CCND2: variants seen among roughly 807,000 people sequenced by gnomAD.
CCND2 encodes the protein G1/S-specific cyclin-D2.
CCND2 carries 6 observed loss-of-function variants against 30.2 expected under a neutral mutation model. The ratio of observed to expected loss-of-function variants is 0.20; its 90% CI spans 0.11 to 0.39. The LOEUF (loss-of-function observed/expected upper bound fraction) is 0.39. Among genes scored for constraint, CCND2 ranks in the 10% least tolerant of loss-of-function variants. The probability of loss-of-function intolerance (pLI) is 1.00; values close to 1 mark genes in which losing one functional copy is unlikely to be tolerated. For synonymous variants in CCND2, 150 were observed against 153.1 expected (o/e 0.98, Z 0.15); for missense variants, 235 against 373.4 (o/e 0.63, Z 3.06).
At chr12:4,288,777 G>T in intron 3 of CCND2, 65 bp from the exon 4 acceptor site, 1 of 1,522,708 alleles carries the variant, frequency 6.6e-7, no homozygotes, top group Non-Finnish European at 8.9e-7. Context: ...AGTCTCTGCA[G>T]TCTCGGGAGC....
At chr12:4,289,160 G>A in intron 4 of CCND2, 170 bp downstream of exon 4, 3 of 225,382 alleles carry the variant, frequency 1.3e-5, no homozygotes, top group South Asian at 5.7e-5. Context: ...TTAAGGTTCT[G>A]AAAAGCTGTG....
intron 4 of CCND2, chr12:4,297,890 C>T (rs1003703175): frequency 4.5e-6 from 2 of 444,460 alleles, no homozygotes; most frequent in South Asian, 1.6e-5. Context: ...CACGGAGACT[C>T]CTGCTGCTGC....
At chr12:4,291,670 G>A (rs965163260) in intron 4 of CCND2, among the ~76,000 whole-genome samples, 3 of 152,306 alleles carry the variant, frequency 2.0e-5, no homozygotes, top group Non-Finnish European at 4.4e-5. Flanking sequence ...CAGGCCTAAC[G>A]TAGAATGCCG....
At chr12:4,289,547 A>G (rs1864069411) in intron 4 of CCND2, among the ~76,000 whole-genome samples, 1 of 152,190 alleles carries the variant, frequency 6.6e-6, no homozygotes, top group South Asian at 2.1e-4. Context: ...TCAAAAGACA[A>G]AGTGCCATAC....
In CCND2 at chr12:4,288,278, A is replaced by C. The variant is rs560935706; in HGVS notation, c.572-564A>C. On this transcript the variant is annotated intron_variant, in intron 3 of 4. Transcript: ENST00000261254. ...TGGGTGGGGGTCATATTAATCCTCA[A>C]TGCCTGTCCAGAGACTATAACAAGA... 2.7e-5 allele frequency among the ~76,000 whole-genome samples: 4 copies of C among 149,216 alleles called. No individual in the cohort carries two copies. The South Asian group carries it at 8.5e-4, about 32-fold the overall frequency.
Position 4,287,879 on chromosome 12 carries a change from G to A in CCND2, c.572-963G>A, listed in dbSNP as rs1488271167. 6.6e-6 allele frequency among the ~76,000 whole-genome samples: 1 copy of A among 152,202 alleles called. No homozygotes were observed. Among genetic ancestry groups the A allele is most frequent in the African/African-American group, 2.4e-5 (1 of 41,438 alleles). On this transcript the variant is annotated intron_variant, in intron 3 of 4. Coordinates refer to ENST00000261254, the MANE Select transcript of CCND2 (RefSeq NM_001759.4). The surrounding 1 kb of genome is among the most constrained non-coding windows in gnomAD (Gnocchi z 4.0). ...GAAGGAGTGCTCGGAGGAACACAAGGGGGCTGGTCTTCCAAGAGGAGCCCT... is the reference window on the plus strand; with the variant it reads ...GAAGGAGTGCTCGGAGGAACACAAGAGGGCTGGTCTTCCAAGAGGAGCCCT...
rs780910327 is a variant in CCND2, at chr12:4,301,106, T to A, written c.*1097T>A. 4 of 233,588 alleles carry A rather than the reference T, an allele frequency of 1.7e-5. No homozygotes were observed. Among genetic ancestry groups the A allele is most frequent in the Non-Finnish European group, 2.5e-5 (3 of 118,066 alleles). 14.5% of individuals were successfully genotyped at this position (233,588 alleles called of 1,614,324 possible). ...TCTGGGTTACTCTTCGCTTCTGGTATCTGGCGTTCTTTGGTACACAGTTCT... is the reference window on the plus strand; with the variant it reads ...TCTGGGTTACTCTTCGCTTCTGGTAACTGGCGTTCTTTGGTACACAGTTCT... On this transcript the variant is annotated 3_prime_UTR_variant, in exon 5 of 5. Coordinates refer to ENST00000261254, the MANE Select transcript of CCND2 (RefSeq NM_001759.4).
Position 4,303,586 on chromosome 12 carries a change from CTT to C in CCND2, c.*3580_*3581del, listed in dbSNP as rs945966521. ...CCTGCCAAATTTTGATCCTTCCCCT[CTT>C]TTGGCCAAATCCTAGGGGGAAGAAA... On this transcript the variant is annotated 3_prime_UTR_variant, in exon 5 of 5. Transcript: ENST00000261254. This position sits in a 1 kb window ranked among gnomAD's most constrained non-coding sequence, Gnocchi z 4.6. 4.3e-6 allele frequency: 1 copy of C among 233,570 alleles called. No homozygotes were observed. The highest frequency in any genetic ancestry group is 8.5e-6 in the Non-Finnish European group (1 of 118,078). The allele number at this position is 233,570 out of a possible 1,614,324, so 14.5% of individuals were successfully genotyped here.
At chr12:4,288,802 T>C (rs754588406) in intron 3 of CCND2, 40 bp from the exon 4 acceptor site, 1 of 1,575,668 alleles carries the variant, frequency 6.3e-7, no homozygotes, top group Admixed American at 1.8e-5. Flanking sequence ...GGATCCAAAT[T>C]CGTTCTGTGC....
rs1864246952 is a variant in CCND2 at position 4,301,381 on chromosome 12, T to G, written c.*1372T>G. ...TTTTTTTTTTTATTGTTGTTGTTAA[T>G]TTTATTGCAAAGTTGTATTCAGCGT... On this transcript the variant is annotated 3_prime_UTR_variant, in exon 5 of 5. Coordinates refer to ENST00000261254, the MANE Select transcript of CCND2 (RefSeq NM_001759.4). The G allele has an allele frequency of 1.7e-5, 4 of 233,206 alleles. No individual in the cohort carries two copies. Among genetic ancestry groups the G allele is most frequent in the Non-Finnish European group, 3.4e-5 (4 of 117,962 alleles). 14.4% of individuals were successfully genotyped at this position (233,206 alleles called of 1,614,324 possible).
Position 4,293,753 on chromosome 12 carries a change from C to T in CCND2, c.720+4763C>T, listed in dbSNP as rs1018807102. On this transcript the variant is annotated intron_variant, in intron 4 of 4. Coordinates refer to ENST00000261254, the MANE Select transcript of CCND2 (RefSeq NM_001759.4). This position sits in a 1 kb window ranked among gnomAD's most constrained non-coding sequence, Gnocchi z 4.9. ...GGTTTAGCATTGTGTGTTTCTGCTC[C>T]GTAGCTGGAAGTGCCGCCACCCTCG... Among the ~76,000 whole-genome samples, 5 of 152,156 alleles carry T rather than the reference C, an allele frequency of 3.3e-5. No homozygotes were observed. Among genetic ancestry groups the T allele is most frequent in the Non-Finnish European group, 5.9e-5 (4 of 68,024 alleles).
intron 3 of CCND2, among the ~76,000 whole-genome samples, chr12:4,283,921 G>T (rs1863987031): frequency 6.6e-6 from 1 of 152,232 alleles, no homozygotes; most frequent in South Asian, 2.1e-4. Context: ...AGCAGCAGGA[G>T]GCTTTGGGGA....
intron 3 of CCND2, among the ~76,000 whole-genome samples, chr12:4,288,283 T>C (rs1864050734): frequency 6.6e-6 from 1 of 151,438 alleles, no homozygotes; most frequent in Admixed American, 6.6e-5. Context: ...CCTCAATGCC[T>C]GTCCAGAGAC....
In CCND2 at chr12:4,274,032, G is replaced by A. The variant is rs1049728713; in HGVS notation, c.-9G>A. On this transcript the variant is annotated 5_prime_UTR_variant, in exon 1 of 5. Coordinates refer to ENST00000261254, the MANE Select transcript of CCND2 (RefSeq NM_001759.4). The surrounding 1 kb of genome is among the most constrained non-coding windows in gnomAD (Gnocchi z 7.7). Reference sequence around the variant, plus strand: ...GAAAGCAGGAGGGAGAGGGGCCGCCGGGCTGGCCATGGAGCTGCTGTGCCA... The same window carrying A: ...GAAAGCAGGAGGGAGAGGGGCCGCCAGGCTGGCCATGGAGCTGCTGTGCCA... 2.5e-6 allele frequency: 4 copies of A among 1,606,682 alleles called. No homozygotes were observed. Among genetic ancestry groups the A allele is most frequent in the Non-Finnish European group, 3.4e-6 (4 of 1,176,250 alleles).
At position 4,297,549 on chromosome 12, in the gene CCND2, C is replaced by T. The variant is rs1337436537; in HGVS notation, c.721-2311C>T. Among the ~76,000 whole-genome samples, 15 of 122,316 alleles carry T rather than the reference C, an allele frequency of 1.2e-4. No individual in the cohort carries two copies. In the East Asian group the frequency reaches 3.6e-3, roughly 29 times the overall value. 80.2% of individuals were successfully genotyped at this position (122,316 alleles called of 152,430 possible). ...TTGTGCCATTGCACTCCAGCCTGGG[C>T]GACAGAGCAACACTCTGTCTCAAAA... On this transcript the variant is annotated intron_variant, in intron 4 of 4. Transcript: ENST00000261254.
At chr12:4,289,868 C>T (rs969912671) in intron 4 of CCND2, among the ~76,000 whole-genome samples, 8 of 152,138 alleles carry the variant, frequency 5.3e-5, no homozygotes, top group South Asian at 4.1e-4. Context: ...CCCCAGGCTC[C>T]GACTGCCCCC....
rs772607278 is a variant in CCND2, at chr12:4,274,248, G to A, written c.195+13G>A. On this transcript the variant is annotated intron_variant, in intron 1 of 4. Transcript: ENST00000261254. This position sits in a 1 kb window ranked among gnomAD's most constrained non-coding sequence, Gnocchi z 7.7. Reference sequence around the variant, plus strand: ...CTGGATGCTGGAGGTAGGTCGGGGGGTGGCGCTCGCCAGGAGCCAGGACCC... The same window carrying A: ...CTGGATGCTGGAGGTAGGTCGGGGGATGGCGCTCGCCAGGAGCCAGGACCC... The A allele has an allele frequency of 1.2e-5, 20 of 1,612,736 alleles. No individual in the cohort carries two copies. The highest frequency in any genetic ancestry group is 1.6e-5 in the Non-Finnish European group (19 of 1,179,220).
Position 4,274,015 on chromosome 12 carries a change from G to T in CCND2, c.-26G>T. 1 of 1,603,000 alleles carries T rather than the reference G, an allele frequency of 6.2e-7. No individual in the cohort carries two copies. The highest frequency in any genetic ancestry group is 1.1e-5 in the South Asian group (1 of 90,302). On this transcript the variant is annotated 5_prime_UTR_variant, in exon 1 of 5. Coordinates refer to ENST00000261254, the MANE Select transcript of CCND2 (RefSeq NM_001759.4). This position sits in a 1 kb window ranked among gnomAD's most constrained non-coding sequence, Gnocchi z 7.7. ...CCTTTTTCCAGGCCGGGGAAAGCAG[G>T]AGGGAGAGGGGCCGCCGGGCTGGCC...
chr12:4,275,877 C>T (rs1266795811), intron 1 of CCND2, 128 bp from the exon 2 acceptor site: 4 of 598,556 alleles, frequency 6.7e-6, no homozygotes, highest in Non-Finnish European at 8.8e-6. Context: ...TTCTGGTCCC[C>T]TCCCCCTCCC....
Sources: gnomAD v4.1 joint callset for allele counts (sites outside exome capture counted in the v4.1 genomes callset) on GRCh38, gnomAD v4.1.1 for gene constraint, Gnocchi (gnomAD v3.1) non-coding constraint, MANE v1.5 for transcripts, NCBI Gene and HGNC (gene_info 2026-07-23, HGNC 2026-07-21) for gene names.